Variants in GDPD4 observed in about 807,000 individuals in gnomAD.
GDPD4 encodes the protein glycerophosphodiester phosphodiesterase 6.
A neutral mutation model predicts 67.8 loss-of-function variants in GDPD4; 60 were observed. The observed-to-expected ratio is 0.88, with a 90% CI of 0.72 to 1.10. The LOEUF (loss-of-function observed/expected upper bound fraction) is 1.10, where lower values mean the gene tolerates loss of function less well. Ranked by LOEUF, GDPD4 falls within the 50% of genes least tolerant of loss-of-function variation. The pLI is 0.00. For missense variants in GDPD4, 623 were observed against 613.9 expected, an observed-to-expected ratio of 1.01 and a Z score of -0.16; for synonymous variants, 212 against 210.9, an observed-to-expected ratio of 1.00 and a Z score of -0.04.
chr11:77,278,935 T>G (rs1959622646), intron 4 of GDPD4, among the ~76,000 whole-genome samples: 1 of 152,216 alleles, frequency 6.6e-6, no homozygotes, highest in African/African-American at 2.4e-5. Flanking sequence ...AGACTGATTT[T>G]CAGAAGATGG....
At chr11:77,263,540 A>G (rs1959159695) in intron 10 of GDPD4, among the ~76,000 whole-genome samples, 1 of 152,170 alleles carries the variant, frequency 6.6e-6, no homozygotes, top group Non-Finnish European at 1.5e-5. Flanking sequence ...AAAACAACAA[A>G]ATGATAGTGC....
At chr11:77,278,382 A>T (rs1226921392) in intron 4 of GDPD4, among the ~76,000 whole-genome samples, 1 of 152,160 alleles carries the variant, frequency 6.6e-6, no homozygotes, top group Non-Finnish European at 1.5e-5. Context: ...CTTCCTCATT[A>T]CCATATCTAT....
intron 5 of GDPD4, among the ~76,000 whole-genome samples, chr11:77,272,790 A>AT (rs1241815253): frequency 8.6e-5 from 13 of 150,718 alleles, no homozygotes; most frequent in African/African-American, 2.4e-4. Context: ...AAAAAAAAAA[A>AT]TTTTTTTTTG....
chr11:77,222,673 T>A (rs190697272), intron 16 of GDPD4, among the ~76,000 whole-genome samples: 1 of 152,206 alleles, frequency 6.6e-6, no homozygotes. Context: ...ATTTTTTCCT[T>A]CATTTCAACC....
rs373915271 is a variant in GDPD4 at position 77,270,015 on chromosome 11, T to G, written c.401-55A>C. 9 of 861,516 alleles carry G rather than the reference T, an allele frequency of 1.0e-5. No homozygotes were observed. In the African/African-American group the frequency reaches 1.5e-4, roughly 15 times the overall value. The allele number at this position is 861,516 out of a possible 1,614,324, so 53.4% of individuals were successfully genotyped here. The stretch of plus-strand genomic sequence containing the variant: ...GTTCATTATTGTCCCCTTTAAGCCC[T>G]TGCCCCAGAAATACTTTCTAAAATT... On this transcript the variant is annotated intron_variant, in intron 7 of 16. Coordinates refer to ENST00000315938, the MANE Select transcript of GDPD4 (RefSeq NM_182833.3).
intron 5 of GDPD4, among the ~76,000 whole-genome samples, chr11:77,273,309 A>G (rs1199825384): frequency 2.0e-5 from 3 of 152,170 alleles, no homozygotes; most frequent in Non-Finnish European, 4.4e-5. Flanking sequence ...CTCCCTTGCC[A>G]ATAAAATCAG....
intron 2 of GDPD4, chr11:77,286,970 T>A (rs1231548670): frequency 6.6e-6 from 1 of 151,580 alleles, no homozygotes; most frequent in East Asian, 1.9e-4. Context: ...AGTGAATTAA[T>A]GAATAAACAT....
chr11:77,246,157 A>G (rs1958781652), intron 11 of GDPD4, among the ~76,000 whole-genome samples: 1 of 152,148 alleles, frequency 6.6e-6, no homozygotes, highest in African/African-American at 2.4e-5. Flanking sequence ...GTGGAGATAC[A>G]TGCCTGTAGT....
chr11:77,228,020 T>A (rs1464802741), intron 15 of GDPD4, 104 bp from the exon 16 acceptor site: 2 of 814,434 alleles, frequency 2.5e-6, no homozygotes, highest in East Asian at 2.4e-5. Context: ...TCTTGAAACT[T>A]ACAATCCTAT....
intron 16 of GDPD4, among the ~76,000 whole-genome samples, chr11:77,222,176 A>G (rs1273407376): frequency 1.3e-5 from 2 of 152,146 alleles, no homozygotes; most frequent in Non-Finnish European, 2.9e-5. Context: ...ACTCTATCCA[A>G]TTTGCCAGTC....
At chr11:77,265,211 A>C (rs1414240834) in intron 10 of GDPD4, among the ~76,000 whole-genome samples, 1 of 152,026 alleles carries the variant, frequency 6.6e-6, no homozygotes. Context: ...TTCTCCTGTT[A>C]ATCTGTCTTA....
intron 14 of GDPD4, 37 bp downstream of exon 14, chr11:77,232,988 A>G: frequency 6.2e-7 from 1 of 1,610,910 alleles, no homozygotes; most frequent in Non-Finnish European, 8.5e-7. Context: ...CTGCTATCAT[A>G]CCAAGCCTGG....
At chr11:77,288,664 C>T (rs766542104) in intron 1 of GDPD4, among the ~76,000 whole-genome samples, 6 of 152,220 alleles carry the variant, frequency 3.9e-5, no homozygotes, top group East Asian at 1.9e-4. Context: ...AAAATCTTCC[C>T]CTATGAAAGC....
intron 1 of GDPD4, among the ~76,000 whole-genome samples, chr11:77,288,063 A>C (rs950224267): frequency 6.6e-6 from 1 of 152,190 alleles, no homozygotes; most frequent in African/African-American, 2.4e-5. Flanking sequence ...ACCTGTGTAC[A>C]TCATCAAGGA....
intron 13 of GDPD4, among the ~76,000 whole-genome samples, chr11:77,235,195 C>G (rs1035729096): frequency 6.6e-6 from 1 of 151,684 alleles, no homozygotes; most frequent in Non-Finnish European, 1.5e-5. Flanking sequence ...ATATCCTTTA[C>G]CCACTTTCTT....
chr11:77,288,807 C>T (rs1254790487), intron 1 of GDPD4, among the ~76,000 whole-genome samples: 1 of 151,912 alleles, frequency 6.6e-6, no homozygotes, highest in Non-Finnish European at 1.5e-5. Flanking sequence ...CAAGAGATTC[C>T]AATGTAAAAG....
At chr11:77,263,498 C>T (rs989814439) in intron 10 of GDPD4, among the ~76,000 whole-genome samples, 1 of 152,010 alleles carries the variant, frequency 6.6e-6, no homozygotes, top group African/African-American at 2.4e-5. Flanking sequence ...CTAAAAAATG[C>T]TCCATTAGTC....
At chr11:77,258,025 T>A (rs186354262) in intron 11 of GDPD4, among the ~76,000 whole-genome samples, 106 of 152,326 alleles carry the variant, frequency 7.0e-4, no homozygotes, top group African/African-American at 2.5e-3. Context: ...TAAATATTTG[T>A]TGAATGGCAA....
chr11:77,279,592 A>T (rs1959662630), intron 3 of GDPD4, among the ~76,000 whole-genome samples, 193 bp from the exon 4 acceptor site: 1 of 151,682 alleles, frequency 6.6e-6, no homozygotes, highest in South Asian at 2.1e-4. Flanking sequence ...GCAATTGGGG[A>T]TGTTCATGGG....
Sources: gnomAD v4.1 joint callset for allele counts (sites outside exome capture counted in the v4.1 genomes callset) on GRCh38, gnomAD v4.1.1 for gene constraint, MANE v1.5 for transcripts, NCBI Gene and HGNC (gene_info 2026-07-23, HGNC 2026-07-21) for gene names.